Variants in LIN28B observed in about 807,000 individuals in gnomAD.
The protein encoded by LIN28B is lin-28 RNA binding posttranscriptional regulator B.
In LIN28B, 5 loss-of-function variants were observed where a neutral mutation model predicts 21.9. That is an observed-to-expected ratio of 0.23 (90% CI 0.12 to 0.48). The LOEUF (loss-of-function observed/expected upper bound fraction) is 0.48, where lower values mean the gene tolerates loss of function less well. Among genes scored for constraint, LIN28B ranks in the 20% least tolerant of loss-of-function variants. The pLI is 0.98. For synonymous variants in LIN28B, 109 were observed against 111.3 expected, an observed-to-expected ratio of 0.98 and a Z score of 0.13; for missense variants, 245 against 310.5, an observed-to-expected ratio of 0.79 and a Z score of 1.58.
chr6:105,003,598 C>T (rs1008759795), intron 2 of LIN28B, among the ~76,000 whole-genome samples: 2 of 151,982 alleles, frequency 1.3e-5, no homozygotes, highest in South Asian at 2.1e-4. Flanking sequence ...CTGCAACCTC[C>T]GCCTCCCTGG....
chr6:104,996,072 C>T (rs958872431), intron 2 of LIN28B, among the ~76,000 whole-genome samples: 1 of 151,958 alleles, frequency 6.6e-6, no homozygotes, highest in African/African-American at 2.4e-5. Flanking sequence ...CACGGCACAT[C>T]ATGTGGAATC....
intron 2 of LIN28B, among the ~76,000 whole-genome samples, chr6:104,984,524 G>A (rs540503026): frequency 2.0e-5 from 3 of 151,622 alleles, no homozygotes; most frequent in African/African-American, 4.8e-5. Context: ...GGCTCACTGC[G>A]GTCTCCAACT....
chr6:105,077,750 C>G (rs1344478347), intron 3 of LIN28B, among the ~76,000 whole-genome samples: 1 of 152,134 alleles, frequency 6.6e-6, no homozygotes, highest in African/African-American at 2.4e-5. Context: ...TGTTCTGATT[C>G]AGACATTTAC....
At chr6:104,981,863 A>C (rs752172732) in intron 2 of LIN28B, among the ~76,000 whole-genome samples, 1 of 152,228 alleles carries the variant, frequency 6.6e-6, no homozygotes, top group Non-Finnish European at 1.5e-5. Flanking sequence ...TCATTAGGTC[A>C]TGAACAAGTT....
intron 3 of LIN28B, among the ~76,000 whole-genome samples, chr6:105,036,877 T>C (rs1302585216): frequency 6.6e-6 from 1 of 152,196 alleles, no homozygotes. Context: ...ATGATTTCGG[T>C]ACAAGGGTAT....
intron 2 of LIN28B, among the ~76,000 whole-genome samples, chr6:104,991,295 A>G (rs1242896754): frequency 6.9e-6 from 1 of 144,984 alleles, no homozygotes; most frequent in Non-Finnish European, 1.5e-5. Context: ...CACTTCTCGG[A>G]CGGGGCGGCT....
At chr6:104,993,883 C>G (rs2114275745) in intron 2 of LIN28B, among the ~76,000 whole-genome samples, 1 of 149,376 alleles carries the variant, frequency 6.7e-6, no homozygotes, top group South Asian at 2.1e-4. Flanking sequence ...AGCGTCAGTA[C>G]AAATAATAAT....
chr6:104,942,326 T>A (rs1404506836), intron 2 of LIN28B, among the ~76,000 whole-genome samples: 1 of 152,170 alleles, frequency 6.6e-6, no homozygotes, highest in Admixed American at 6.5e-5. Context: ...ATGTTTCTTT[T>A]TTTGGTGCTG....
intron 2 of LIN28B, among the ~76,000 whole-genome samples, chr6:104,982,086 G>A (rs548636789): frequency 3.3e-5 from 5 of 152,248 alleles, no homozygotes; most frequent in African/African-American, 9.6e-5. Context: ...AGGCTGAGGT[G>A]GGCGGATCAT....
At position 105,079,085 on chromosome 6, in the gene LIN28B, A is replaced by C; in HGVS notation, c.*302A>C. On this transcript the variant is annotated 3_prime_UTR_variant, in exon 4 of 4. Transcript: ENST00000345080. ...ATATAGGAATGTAGACACATATATA[A>C]AGAGGCTTTGTCTTTATATATTTGT... The C allele has an allele frequency of 4.1e-6, 1 of 246,224 alleles. No individual in the cohort carries two copies. 15.3% of individuals were successfully genotyped at this position (246,224 alleles called of 1,614,324 possible).
In LIN28B at chr6:105,079,896, GA is replaced by G. The variant is rs1772508698; in HGVS notation, c.*1114del. Reference sequence around the variant, plus strand: ...TGGGGTTGAGAATTAAAATTAAGTGGATGTTCACAGTTGCCCAATATATATG... The same window carrying G: ...TGGGGTTGAGAATTAAAATTAAGTGGTGTTCACAGTTGCCCAATATATATG... On this transcript the variant is annotated 3_prime_UTR_variant, in exon 4 of 4. Coordinates refer to ENST00000345080, the MANE Select transcript of LIN28B (RefSeq NM_001004317.4). 6.6e-6 allele frequency: 1 copy of G among 152,134 alleles called. No homozygotes were observed. Among genetic ancestry groups the G allele is most frequent in the African/African-American group, 2.4e-5 (1 of 41,424 alleles). 9.4% of individuals were successfully genotyped at this position (152,134 alleles called of 1,614,324 possible).
At chr6:104,979,248 C>T (rs1461865058) in intron 2 of LIN28B, among the ~76,000 whole-genome samples, 1 of 149,616 alleles carries the variant, frequency 6.7e-6, no homozygotes, top group Non-Finnish European at 1.5e-5. Flanking sequence ...CTCACTCTGT[C>T]GCCCAGGCTG....
rs147714509 is a variant in LIN28B, at chr6:104,994,983, A to G, written c.199-31315A>G. On this transcript the variant is annotated intron_variant, in intron 2 of 3. Coordinates refer to ENST00000345080, the MANE Select transcript of LIN28B (RefSeq NM_001004317.4). ...ATCCAAAATCTTCCAAGATCCAAAA[A>G]TTTTTGAGCACCAACTTACTGTCCA... Among the ~76,000 whole-genome samples, 302 of 152,320 alleles carry G rather than the reference A, an allele frequency of 2.0e-3. 1 individual carries two copies. Among genetic ancestry groups the G allele is most frequent in the African/African-American group, 6.8e-3 (284 of 41,566 alleles).
chr6:105,074,312 C>T (rs1248190310), intron 3 of LIN28B, among the ~76,000 whole-genome samples: 1 of 152,098 alleles, frequency 6.6e-6, no homozygotes, highest in Non-Finnish European at 1.5e-5. Flanking sequence ...ATTCTCCTGC[C>T]TCAGCCTCCC....
chr6:105,006,059 T>C (rs1163651668), intron 2 of LIN28B, among the ~76,000 whole-genome samples: 1 of 152,194 alleles, frequency 6.6e-6, no homozygotes, highest in East Asian at 1.9e-4. Flanking sequence ...CTTTTTTCTG[T>C]TTGCTTGTTT....
At chr6:105,040,963 G>A (rs1771620536) in intron 3 of LIN28B, among the ~76,000 whole-genome samples, 1 of 151,946 alleles carries the variant, frequency 6.6e-6, no homozygotes, top group African/African-American at 2.4e-5. Flanking sequence ...CCAGGCTGGA[G>A]CACAGTGGTA....
At chr6:105,022,008 G>A (rs1771151881) in intron 2 of LIN28B, among the ~76,000 whole-genome samples, 1 of 152,048 alleles carries the variant, frequency 6.6e-6, no homozygotes, top group Non-Finnish European at 1.5e-5. Flanking sequence ...TTAGAGTAAT[G>A]GGAAATGAAG....
chr6:104,992,349 G>T (rs574533341), intron 2 of LIN28B, among the ~76,000 whole-genome samples: 16 of 152,120 alleles, frequency 1.1e-4, no homozygotes, highest in African/African-American at 2.9e-4. Flanking sequence ...GAGCCACTGC[G>T]CCTGGCCTCA....
chr6:105,038,861 A>G (rs1379201231), intron 3 of LIN28B, among the ~76,000 whole-genome samples: 3 of 152,250 alleles, frequency 2.0e-5, no homozygotes, highest in Non-Finnish European at 4.4e-5. Flanking sequence ...TAAATGAGAC[A>G]TCATTTCACT....
Sources: gnomAD v4.1 joint callset for allele counts (sites outside exome capture counted in the v4.1 genomes callset) on GRCh38, gnomAD v4.1.1 for gene constraint, MANE v1.5 for transcripts, NCBI Gene and HGNC (gene_info 2026-07-23, HGNC 2026-07-21) for gene names.